Variants in MACROH2A2 observed in about 807,000 individuals in gnomAD.
The protein encoded by MACROH2A2 is core histone macro-H2A.2.
A neutral mutation model predicts 37.6 loss-of-function variants in MACROH2A2; 6 were observed. The ratio of observed to expected loss-of-function variants is 0.16; its 90% CI spans 0.09 to 0.32. MACROH2A2 has a LOEUF of 0.32. Among genes scored for constraint, MACROH2A2 ranks in the 10% least tolerant of loss-of-function variants. The pLI, the probability that MACROH2A2 is intolerant of heterozygous loss-of-function variation, is 1.00. For missense variants in MACROH2A2, 290 were observed against 485.9 expected (o/e 0.60, Z 3.79); for synonymous variants, 192 against 202.7 (o/e 0.95, Z 0.45).
intron 2 of MACROH2A2, among the ~76,000 whole-genome samples, chr10:70,082,412 G>C (rs1244895327): frequency 4.5e-5 from 6 of 132,760 alleles, no homozygotes; most frequent in Non-Finnish European, 4.8e-5. Flanking sequence ...GAGTGAAACT[G>C]TGTCAAAAAA....
chr10:70,079,219 C>T (rs990967073), intron 2 of MACROH2A2, among the ~76,000 whole-genome samples: 1 of 151,916 alleles, frequency 6.6e-6, no homozygotes, highest in African/African-American at 2.4e-5. Context: ...TTTCTCGTAT[C>T]GATTGATTTC....
rs1263257753 is a variant in MACROH2A2 at position 70,075,905 on chromosome 10, GA to G, written c.172+76del. 6.2e-6 allele frequency: 8 copies of G among 1,296,458 alleles called. No homozygotes were observed. The African/African-American group carries it at 1.2e-4, about 19-fold the overall frequency. 80.3% of individuals were successfully genotyped at this position (1,296,458 alleles called of 1,614,324 possible). ...CCCTGGGTCCCCCTCGCAGGCTGGG[GA>G]GGGATGCTCCAAATTGCCTTTTGGC... On this transcript the variant is annotated intron_variant, in intron 2 of 8. Coordinates refer to ENST00000373255, the MANE Select transcript of MACROH2A2 (RefSeq NM_018649.3). This position sits in a 1 kb window ranked among gnomAD's most constrained non-coding sequence, Gnocchi z 5.0.
At chr10:70,084,266 G>A (rs2072197829) in intron 2 of MACROH2A2, among the ~76,000 whole-genome samples, 1 of 152,182 alleles carries the variant, frequency 6.6e-6, no homozygotes, top group Non-Finnish European at 1.5e-5. Context: ...CGTGCAGGTT[G>A]TACACGGCAC....
At chr10:70,080,325 C>A (rs1334292442) in intron 2 of MACROH2A2, among the ~76,000 whole-genome samples, 1 of 150,374 alleles carries the variant, frequency 6.7e-6, no homozygotes, top group East Asian at 2.0e-4. Context: ...GAAGAGAGAG[C>A]AAAGCAGCTA....
chr10:70,070,779 C>T (rs776964355), intron 1 of MACROH2A2, among the ~76,000 whole-genome samples: 8 of 152,210 alleles, frequency 5.3e-5, no homozygotes, highest in South Asian at 2.1e-4. Context: ...TAAGCCACCA[C>T]GCTTGGCCTC....
At chr10:70,089,011 G>A (rs1262312608) in intron 2 of MACROH2A2, among the ~76,000 whole-genome samples, 1 of 152,204 alleles carries the variant, frequency 6.6e-6, no homozygotes, top group African/African-American at 2.4e-5. Context: ...GGCTGAGGCA[G>A]GAGAATTGCT....
Position 70,111,719 on chromosome 10 carries a change from C to G in MACROH2A2, c.*36C>G, listed in dbSNP as rs753960304. The G allele has an allele frequency of 6.5e-7, 1 of 1,533,702 alleles. No homozygotes were observed. The highest frequency in any genetic ancestry group is 2.4e-5 in the East Asian group (1 of 42,166). On this transcript the variant is annotated 3_prime_UTR_variant, in exon 9 of 9. Coordinates refer to ENST00000373255, the MANE Select transcript of MACROH2A2 (RefSeq NM_018649.3). ...TTCCAGCAGGGATCGGAGGACGACCCGAGTCCCAAGAGTGGGGTTTTGCTT... is the reference window on the plus strand; with the variant it reads ...TTCCAGCAGGGATCGGAGGACGACCGGAGTCCCAAGAGTGGGGTTTTGCTT...
rs550099221 is a variant in MACROH2A2 at position 70,081,490 on chromosome 10, G to A, written c.172+5660G>A. Among the ~76,000 whole-genome samples, 43 of 152,212 alleles carry A rather than the reference G, an allele frequency of 2.8e-4. No individual in the cohort carries two copies. In the South Asian group the frequency reaches 8.9e-3, roughly 32 times the overall value. On this transcript the variant is annotated intron_variant, in intron 2 of 8. Coordinates refer to ENST00000373255, the MANE Select transcript of MACROH2A2 (RefSeq NM_018649.3). ...GGAAAGGATGGCAAAGGAGGCTGAG[G>A]AAAGCCAGAGGGTAAGGAGGAAAGA...
At chr10:70,069,142 G>A (rs1361213043) in intron 1 of MACROH2A2, among the ~76,000 whole-genome samples, 2 of 152,086 alleles carry the variant, frequency 1.3e-5, no homozygotes, top group Admixed American at 6.5e-5. Context: ...ATATTTACCC[G>A]GTGTTATATA....
At chr10:70,054,272 A>C (rs1279227287) in intron 1 of MACROH2A2, among the ~76,000 whole-genome samples, 2 of 152,146 alleles carry the variant, frequency 1.3e-5, no homozygotes, top group Non-Finnish European at 2.9e-5. Flanking sequence ...TGAGAAACCA[A>C]AGTGCGGGGC....
At position 70,112,007 on chromosome 10, in the gene MACROH2A2, T is replaced by TA. The variant is rs1406800393; in HGVS notation, c.*327dup. ...AAGAAAAAAATCCTTTCAAAATTCTTAAATCTTCTGTTCCTCCTTTTTCCA... is the reference window on the plus strand; with the variant it reads ...AAGAAAAAAATCCTTTCAAAATTCTTAAAATCTTCTGTTCCTCCTTTTTCCA... On this transcript the variant is annotated 3_prime_UTR_variant, in exon 9 of 9. Transcript: ENST00000373255. 1.7e-5 allele frequency: 3 copies of TA among 178,764 alleles called. No individual in the cohort carries two copies. Among genetic ancestry groups the TA allele is most frequent in the African/African-American group, 7.1e-5 (3 of 42,552 alleles). The allele number at this position is 178,764 out of a possible 1,614,324, so 11.1% of individuals were successfully genotyped here.
At chr10:70,073,312 C>T (rs1012170081) in intron 1 of MACROH2A2, among the ~76,000 whole-genome samples, 16 of 152,220 alleles carry the variant, frequency 1.1e-4, no homozygotes, top group African/African-American at 3.6e-4. Flanking sequence ...AAAGAGAAAA[C>T]CCCTACAAGT....
In MACROH2A2 at chr10:70,111,878, G is replaced by A. The variant is rs777859196; in HGVS notation, c.*195G>A. On this transcript the variant is annotated 3_prime_UTR_variant, in exon 9 of 9. Transcript: ENST00000373255. ...CATCTGTAAGGAAGCAGGTCTCCGCGAGGGGTTTCTTTCCATGTGTTTTCC... is the reference window on the plus strand; with the variant it reads ...CATCTGTAAGGAAGCAGGTCTCCGCAAGGGGTTTCTTTCCATGTGTTTTCC... 4.9e-6 allele frequency: 2 copies of A among 410,026 alleles called. No individual in the cohort carries two copies. Among genetic ancestry groups the A allele is most frequent in the Admixed American group, 4.4e-5 (1 of 22,712 alleles). 25.4% of individuals were successfully genotyped at this position (410,026 alleles called of 1,614,324 possible).
intron 4 of MACROH2A2, among the ~76,000 whole-genome samples, chr10:70,093,491 G>A (rs1464798172): frequency 1.3e-5 from 2 of 152,246 alleles, no homozygotes; most frequent in African/African-American, 4.8e-5. Context: ...GTGCACAGGG[G>A]TAGGTGAGGA....
intron 1 of MACROH2A2, among the ~76,000 whole-genome samples, chr10:70,069,214 A>G (rs530935667): frequency 1.3e-5 from 2 of 152,254 alleles, no homozygotes; most frequent in African/African-American, 4.8e-5. Context: ...TAAATTCTGA[A>G]ACAACAGAGT....
intron 6 of MACROH2A2, among the ~76,000 whole-genome samples, chr10:70,098,066 C>G (rs1219160089): frequency 2.0e-5 from 3 of 152,074 alleles, no homozygotes; most frequent in African/African-American, 7.2e-5. Flanking sequence ...CATGGCAAAA[C>G]CCCATCTCTA....
chr10:70,080,298 C>G (rs2072168377), intron 2 of MACROH2A2, among the ~76,000 whole-genome samples: 1 of 150,270 alleles, frequency 6.7e-6, no homozygotes, highest in East Asian at 2.0e-4. Flanking sequence ...AAAAAAGAGT[C>G]TTGCCGAGAG....
chr10:70,111,717 C>A lies in MACROH2A2; in HGVS notation c.*34C>A, dbSNP rs1213221825. On this transcript the variant is annotated 3_prime_UTR_variant, in exon 9 of 9. Transcript: ENST00000373255. The stretch of plus-strand genomic sequence containing the variant: ...CTTTCCAGCAGGGATCGGAGGACGA[C>A]CCGAGTCCCAAGAGTGGGGTTTTGC... The A allele has an allele frequency of 6.5e-7, 1 of 1,539,694 alleles. No homozygotes were observed. The highest frequency in any genetic ancestry group is 8.8e-7 in the Non-Finnish European group (1 of 1,138,344).
chr10:70,084,759 G>A (rs762066028), intron 2 of MACROH2A2, among the ~76,000 whole-genome samples: 1 of 152,024 alleles, frequency 6.6e-6, no homozygotes, highest in Non-Finnish European at 1.5e-5. Flanking sequence ...ATACCACCAA[G>A]CCTGCCTAAT....
Sources: allele counts gnomAD v4.1 joint callset (sites outside exome capture counted in the v4.1 genomes callset), GRCh38; gene constraint gnomAD v4.1.1; non-coding constraint Gnocchi (gnomAD v3.1); transcripts MANE v1.5; gene names NCBI Gene and HGNC (gene_info 2026-07-23, HGNC 2026-07-21).